The following CFAP43 variants were observed in gnomAD, a reference collection of about 807,000 sequenced individuals.
CFAP43 encodes the protein cilia- and flagella-associated protein 43.
Under a neutral mutation model 218.9 loss-of-function variants are expected in CFAP43, and 155 were observed. That is an observed-to-expected ratio of 0.71 (90% CI 0.62 to 0.81). The LOEUF is 0.81. CFAP43 is among the 30% of genes least tolerant of loss of function. The pLI is 0.00. For missense variants in CFAP43, 1,778 were observed against 1,954.3 expected, an observed-to-expected ratio of 0.91 and a Z score of 1.70; for synonymous variants, 645 against 681.3, an observed-to-expected ratio of 0.95 and a Z score of 0.83.
At chr10:104,196,984 T>C (rs779556817) in intron 9 of CFAP43, 51 bp from the exon 10 acceptor site, 1 of 1,450,702 alleles carries the variant, frequency 6.9e-7, no homozygotes. Context: ...GACTTTCCTA[T>C]GGAAGCATGT....
At chr10:104,186,722 G>T (rs2090043103) in intron 14 of CFAP43, among the ~76,000 whole-genome samples, 1 of 152,060 alleles carries the variant, frequency 6.6e-6, no homozygotes, top group Non-Finnish European at 1.5e-5. Flanking sequence ...TCTGTGTCTA[G>T]TCCTGGCTAC....
At chr10:104,207,862 A>C (rs776997146) in intron 5 of CFAP43, 38 bp from the exon 6 acceptor site, 2 of 1,579,252 alleles carry the variant, frequency 1.3e-6, no homozygotes, top group South Asian at 2.3e-5. Context: ...TAAGAAAACA[A>C]TCACGGCTAA....
At chr10:104,197,885 C>A (rs1034438743) in intron 9 of CFAP43, 37 bp downstream of exon 9, 8 of 1,366,996 alleles carry the variant, frequency 5.9e-6, no homozygotes, top group Non-Finnish European at 6.2e-6. Flanking sequence ...ATCATCGTAT[C>A]TTTAGTCCTA....
chr10:104,194,637 G>GT (rs1177376083), intron 10 of CFAP43, among the ~76,000 whole-genome samples: 1 of 152,138 alleles, frequency 6.6e-6, no homozygotes, highest in Non-Finnish European at 1.5e-5. Flanking sequence ...AAAGAAATGC[G>GT]TAACAGATTC....
chr10:104,158,920 A>G (rs1300001375), intron 27 of CFAP43, among the ~76,000 whole-genome samples: 1 of 152,186 alleles, frequency 6.6e-6, no homozygotes, highest in Non-Finnish European at 1.5e-5. Context: ...TATAACATAT[A>G]CGTAATATAT....
chr10:104,148,427 C>A lies in CFAP43; in HGVS notation c.3661-429G>T, dbSNP rs957026786. On this transcript the variant is annotated intron_variant, in intron 28 of 37. Transcript: ENST00000357060. ...TTTTATTACCCAGGGGTGTATAATG[C>A]TGTAGTTTGGATATTTGCCCCATCC... Among the ~76,000 whole-genome samples the A allele has an allele frequency of 7.2e-5, 11 of 152,134 alleles. No individual in the cohort carries two copies. The East Asian group carries it at 7.7e-4, about 11-fold the overall frequency.
At chr10:104,192,113 A>G in intron 12 of CFAP43, 86 bp downstream of exon 12, 1 of 990,972 alleles carries the variant, frequency 1.0e-6, no homozygotes, top group Non-Finnish European at 1.5e-6. Context: ...AATTGTTTCA[A>G]TATTCAATAT....
intron 27 of CFAP43, among the ~76,000 whole-genome samples, chr10:104,153,499 A>G (rs1250190127): frequency 6.6e-6 from 1 of 152,212 alleles, no homozygotes; most frequent in African/African-American, 2.4e-5. Context: ...GCATGCCTGT[A>G]TCAAAACATC....
At chr10:104,156,139 G>A (rs927118894) in intron 27 of CFAP43, among the ~76,000 whole-genome samples, 4 of 152,046 alleles carry the variant, frequency 2.6e-5, no homozygotes, top group Non-Finnish European at 4.4e-5. Flanking sequence ...TGGGAGTAAA[G>A]GGAAAGAAGG....
intron 34 of CFAP43, among the ~76,000 whole-genome samples, chr10:104,140,291 T>TA (rs532350543): frequency 3.3e-4 from 50 of 152,344 alleles, no homozygotes; most frequent in African/African-American, 1.1e-3. Flanking sequence ...AATGGACATT[T>TA]AGCTCTGTGA....
intron 33 of CFAP43, 137 bp from the exon 34 acceptor site, chr10:104,141,138 G>A (rs2087686956): frequency 1.1e-6 from 1 of 905,274 alleles, no homozygotes; most frequent in Non-Finnish European, 1.6e-6. Flanking sequence ...CTGATGATGA[G>A]CTTTCCTAGA....
chr10:104,222,651 A>G (rs768825601), intron 3 of CFAP43, among the ~76,000 whole-genome samples: 3 of 152,168 alleles, frequency 2.0e-5, no homozygotes, highest in Non-Finnish European at 2.9e-5. Flanking sequence ...GCGCATGAAT[A>G]TTAAGACATG....
Position 104,203,717 on chromosome 10 carries a change from C to A in CFAP43, c.1050G>T (p.Met350Ile). The A allele has an allele frequency of 6.2e-7, 1 of 1,611,564 alleles. No homozygotes were observed. The highest frequency in any genetic ancestry group is 1.1e-5 in the South Asian group (1 of 90,234). ...FLEIERPVEH[M>I]TFSPNYTVLL... Reference sequence around the variant, plus strand: ...ACACTGTATAATTGGGAGAAAATGTCATATGTTCTACAGGTCTTTCAATCT... The same window carrying A: ...ACACTGTATAATTGGGAGAAAATGTAATATGTTCTACAGGTCTTTCAATCT... Residue 350 changes from methionine (M) to isoleucine (I), a missense_variant, in exon 8 of 38, where the codon ATG becomes ATT. Met to Ile is a conservative substitution (Grantham distance 10). Transcript: ENST00000357060.
intron 23 of CFAP43, 99 bp from the exon 24 acceptor site, chr10:104,164,399 ATTTTT>A: frequency 3.8e-6 from 3 of 796,668 alleles, no homozygotes; most frequent in East Asian, 3.1e-5. Context: ...CATTCCACAA[ATTTTT>A]TTTTTTTTTT....
Position 104,133,743 on chromosome 10 carries a change from T to A in CFAP43, c.4473A>T (p.Lys1491Asn), listed in dbSNP as rs2087307245. The A allele has an allele frequency of 1.2e-6, 2 of 1,612,496 alleles. No homozygotes were observed. The highest frequency in any genetic ancestry group is 4.5e-5 in the East Asian group (2 of 44,786). The change falls in exon 35 of 38, where the codon AAA becomes AAT. Residue 1491 changes from lysine (K) to asparagine (N), a missense_variant. Lys to Asn is a moderately conservative substitution (Grantham distance 94). This residue lies in a region of CFAP43 where 211 missense variants were observed against 230.6 expected (regional missense o/e 0.91). Transcript: ENST00000357060. ...TCTGAAGTATTCTTTTGTGTACATC[T>A]TTACTTTCCATCATGCTAGCAACTT... ...QKKVASMMESKDVHKRILQIE... is the reference protein window; with the variant it reads ...QKKVASMMESNDVHKRILQIE...
chr10:104,225,483 G>A lies in CFAP43; in HGVS notation c.394C>T (p.Pro132Ser), dbSNP rs755846242. The change falls in exon 3 of 38, where the codon CCA becomes TCA. Residue 132 changes from proline (P) to serine (S), a missense_variant. By Grantham distance (74) the Pro-to-Ser change is moderately conservative. This residue lies in a region of CFAP43 where 1,553 missense variants were observed against 1,685.2 expected (regional missense o/e 0.92). Coordinates refer to ENST00000357060, the MANE Select transcript of CFAP43 (RefSeq NM_025145.7). ...GTYLASYSSL[P>S]EFELALWNWE... is the part of the protein sequence containing the mutation. ...TACCAAAGGGCCAGTTCAAATTCTG[G>A]GAGAGAGGAGTAACTAGCCAGGTAG... The A allele has an allele frequency of 6.2e-7, 1 of 1,612,126 alleles. No homozygotes were observed.
At chr10:104,203,935 T>A in intron 7 of CFAP43, 132 bp from the exon 8 acceptor site, 2 of 732,884 alleles carry the variant, frequency 2.7e-6, no homozygotes, top group Non-Finnish European at 3.9e-6. Context: ...TTTGCATAGA[T>A]GCACTGTCCT....
intron 28 of CFAP43, among the ~76,000 whole-genome samples, chr10:104,152,087 G>A (rs777367183): frequency 3.3e-5 from 5 of 152,024 alleles, no homozygotes; most frequent in Admixed American, 1.3e-4. Flanking sequence ...TGGGACATGA[G>A]GATTACTTTT....
At chr10:104,198,228 T>C (rs1179602963) in intron 8 of CFAP43, among the ~76,000 whole-genome samples, 190 bp from the exon 9 acceptor site, 1 of 152,264 alleles carries the variant, frequency 6.6e-6, no homozygotes, top group African/African-American at 2.4e-5. Flanking sequence ...TGTTTGTTTA[T>C]TGATTGATCG....
Sources: allele counts gnomAD v4.1 joint callset (sites outside exome capture counted in the v4.1 genomes callset), GRCh38; gene constraint gnomAD v4.1.1; regional missense constraint gnomAD v4.1.1; transcripts MANE v1.5; gene names NCBI Gene and HGNC (gene_info 2026-07-23, HGNC 2026-07-21).